Variants in HNRNPC observed in about 807,000 individuals in gnomAD.
HNRNPC encodes the protein heterogeneous nuclear ribonucleoprotein C.
HNRNPC carries 3 observed loss-of-function variants against 33.2 expected under a neutral mutation model. That is an observed-to-expected ratio of 0.09 (90% CI 0.04 to 0.23). HNRNPC has a LOEUF of 0.23. HNRNPC is among the 10% of genes least tolerant of loss of function. The pLI is 1.00. For missense variants in HNRNPC, 143 were observed against 366.7 expected (o/e 0.39, Z 4.98); for synonymous variants, 121 against 126.7 (o/e 0.96, Z 0.30).
At chr14:21,255,946 CAG>C (rs1877114255) in intron 2 of HNRNPC, among the ~76,000 whole-genome samples, 1 of 152,190 alleles carries the variant, frequency 6.6e-6, no homozygotes, top group South Asian at 2.1e-4. Flanking sequence ...CTGTATGAGT[CAG>C]AGAAAATTCC....
At chr14:21,266,346 G>A (rs563890913) in intron 1 of HNRNPC, among the ~76,000 whole-genome samples, 9 of 152,050 alleles carry the variant, frequency 5.9e-5, no homozygotes, top group African/African-American at 1.7e-4. Flanking sequence ...TGATCCACCC[G>A]CCTCAGCCTC....
At position 21,211,088 on chromosome 14, in the gene HNRNPC, G is replaced by C; in HGVS notation, c.*135C>G. 1 of 976,194 alleles carries C rather than the reference G, an allele frequency of 1.0e-6. No homozygotes were observed. The highest frequency in any genetic ancestry group is 1.6e-6 in the Non-Finnish European group (1 of 640,976). 60.5% of individuals were successfully genotyped at this position (976,194 alleles called of 1,614,324 possible). ...GGGGCAATATGAATTAATGAACATG[G>C]GAAGGACAAGGATGGGGAGAACAGT... On this transcript the variant is annotated 3_prime_UTR_variant, in exon 9 of 9. Coordinates refer to ENST00000553300, the MANE Select transcript of HNRNPC (RefSeq NM_004500.4).
intron 2 of HNRNPC, among the ~76,000 whole-genome samples, chr14:21,259,995 C>A (rs530984929): frequency 6.7e-6 from 1 of 149,740 alleles, no homozygotes; most frequent in African/African-American, 2.5e-5. Context: ...GTCAGGAGAT[C>A]GAGACCATCC....
chr14:21,250,816 A>C (rs1896564765), intron 2 of HNRNPC, among the ~76,000 whole-genome samples: 1 of 152,238 alleles, frequency 6.6e-6, no homozygotes, highest in Non-Finnish European at 1.5e-5. Context: ...AAAAGGAGTG[A>C]AAAGTGTTCT....
chr14:21,214,878 C>T (rs1445529817), intron 5 of HNRNPC, among the ~76,000 whole-genome samples: 3 of 152,152 alleles, frequency 2.0e-5, no homozygotes, highest in African/African-American at 7.2e-5. Flanking sequence ...AATAAGTTAT[C>T]CATATCCATG....
intron 2 of HNRNPC, among the ~76,000 whole-genome samples, chr14:21,257,148 G>A (rs1190301186): frequency 6.6e-6 from 1 of 152,180 alleles, no homozygotes. Flanking sequence ...ATTCAACAGA[G>A]TTGTCATGCA....
intron 2 of HNRNPC, among the ~76,000 whole-genome samples, chr14:21,258,332 G>A (rs1236187113): frequency 6.6e-6 from 1 of 151,872 alleles, no homozygotes; most frequent in African/African-American, 2.4e-5. Context: ...GGAGGTTGCA[G>A]TGAGCCAGAG....
chr14:21,225,573 GT>G (rs1167891350), intron 5 of HNRNPC, among the ~76,000 whole-genome samples: 1 of 152,088 alleles, frequency 6.6e-6, no homozygotes, highest in African/African-American at 2.4e-5. Context: ...ATCCTCAGGC[GT>G]AAGAGTTACC....
At chr14:21,218,681 C>CAAAAAAAAAAAAAAAA in intron 5 of HNRNPC, among the ~76,000 whole-genome samples, 1 of 51,254 alleles carries the variant, frequency 2.0e-5, no homozygotes, top group Non-Finnish European at 3.2e-5. Context: ...AACTCTCTCT[C>CAAAAAAAAAAAAAAAA]AAAAAAAAAA....
At chr14:21,217,752 G>C (rs141297054) in intron 5 of HNRNPC, among the ~76,000 whole-genome samples, 1 of 152,162 alleles carries the variant, frequency 6.6e-6, no homozygotes, top group African/African-American at 2.4e-5. Flanking sequence ...ATTGAAAATG[G>C]CTCCACGAAG....
In HNRNPC at chr14:21,225,055, A is replaced by G. The variant is rs140193630; in HGVS notation, c.365+5264T>C. Among the ~76,000 whole-genome samples the G allele has an allele frequency of 3.3e-3, 503 of 152,280 alleles. 1 individual carries two copies. Among genetic ancestry groups the G allele is most frequent in the Admixed American group, 7.1e-3 (108 of 15,302 alleles). ...TCTTGCTCACCAAGTCTCCGCTGTC[A>G]TAATAAAGCCTGTTATCAAACCTGC... On this transcript the variant is annotated intron_variant, in intron 5 of 8. Coordinates refer to ENST00000553300, the MANE Select transcript of HNRNPC (RefSeq NM_004500.4).
chr14:21,232,499 G>A (rs192123881), intron 3 of HNRNPC, among the ~76,000 whole-genome samples: 149 of 151,866 alleles, frequency 9.8e-4, no homozygotes, highest in Admixed American at 3.0e-3. Context: ...CCTCCTGAGC[G>A]GCTGGGATTA....
chr14:21,240,843 A>G (rs7161186), intron 2 of HNRNPC, among the ~76,000 whole-genome samples: 28,844 of 152,050 alleles, frequency 0.19, 3,258 homozygotes, highest in African/African-American at 0.29. Flanking sequence ...ATGGTCCAGG[A>G]GAAAAAAATT....
chr14:21,234,284 G>C (rs1278474006), intron 2 of HNRNPC, 55 bp from the exon 3 acceptor site: 4 of 1,478,378 alleles, frequency 2.7e-6, no homozygotes, highest in Non-Finnish European at 3.7e-6. Flanking sequence ...AATATTCCTT[G>C]ATAAAACATT....
intron 5 of HNRNPC, among the ~76,000 whole-genome samples, chr14:21,220,294 A>G (rs1231638800): frequency 6.7e-6 from 1 of 150,260 alleles, no homozygotes; most frequent in East Asian, 2.0e-4. Flanking sequence ...CTGCAGTGCA[A>G]TGGGCACAAT....
Position 21,209,179 on chromosome 14 carries a change from T to C in HNRNPC, c.*2044A>G, listed in dbSNP as rs1891392431. 1 of 152,204 alleles carries C rather than the reference T, an allele frequency of 6.6e-6. No individual in the cohort carries two copies. Among genetic ancestry groups the C allele is most frequent in the Non-Finnish European group, 1.5e-5 (1 of 68,024 alleles). 9.4% of individuals were successfully genotyped at this position (152,204 alleles called of 1,614,324 possible). ...TTTATCAGGTATTTTAATGTAGAGA[T>C]GATTTAAAATATACAGGAGAATATG... On this transcript the variant is annotated 3_prime_UTR_variant, in exon 9 of 9. Transcript: ENST00000553300.
chr14:21,225,919 CTAGA>C (rs1364373015), intron 5 of HNRNPC, among the ~76,000 whole-genome samples: 1 of 152,012 alleles, frequency 6.6e-6, no homozygotes, highest in Non-Finnish European at 1.5e-5. Context: ...TAGTTTATAT[CTAGA>C]TATAGTTTTA....
intron 3 of HNRNPC, among the ~76,000 whole-genome samples, chr14:21,233,661 G>A (rs1894360245): frequency 6.6e-6 from 1 of 152,110 alleles, no homozygotes; most frequent in Admixed American, 6.6e-5. Flanking sequence ...TCTGCTGTGG[G>A]CAGGACACAA....
chr14:21,211,804 AT>A lies in HNRNPC; in HGVS notation c.637+5del, dbSNP rs1395253420. On this transcript the variant is annotated splice_donor_5th_base_variant and intron_variant, in intron 7 of 8. Transcript: ENST00000553300. ...TATACCAAGGGCAAGCAGAAAACCC[AT>A]TTACCTGCTTGTTTGCTCTGTTCCT... 5 of 1,604,862 alleles carry A rather than the reference AT, an allele frequency of 3.1e-6. No individual in the cohort carries two copies. Among genetic ancestry groups the A allele is most frequent in the Non-Finnish European group, 4.3e-6 (5 of 1,173,204 alleles).
Sources: allele counts gnomAD v4.1 joint callset (sites outside exome capture counted in the v4.1 genomes callset), GRCh38; gene constraint gnomAD v4.1.1; transcripts MANE v1.5; gene names NCBI Gene and HGNC (gene_info 2026-07-23, HGNC 2026-07-21).